The following ABHD6 variants were observed in gnomAD, a reference collection of about 807,000 sequenced individuals.
The protein encoded by ABHD6 is abhydrolase domain containing 6, acylglycerol lipase.
A neutral mutation model predicts 38.8 loss-of-function variants in ABHD6; 33 were observed. The observed-to-expected ratio is 0.85, with a 90% CI of 0.64 to 1.14. The LOEUF is 1.14. Ranked by LOEUF, ABHD6 falls within the 50% of genes most tolerant of loss-of-function variation. ABHD6 has a pLI of 0.00. For synonymous variants in ABHD6, 147 were observed against 161.6 expected, an observed-to-expected ratio of 0.91 and a Z score of 0.69; for missense variants, 380 against 422.6, an observed-to-expected ratio of 0.90 and a Z score of 0.88.
In ABHD6 at chr3:58,293,560, A is replaced by G. The variant is rs1411981747; in HGVS notation, c.838-29A>G. 2.5e-6 allele frequency: 4 copies of G among 1,610,258 alleles called. 1 individual carries two copies. In the South Asian group the frequency reaches 3.3e-5, roughly 13 times the overall value. On this transcript the variant is annotated intron_variant, in intron 9 of 9. Coordinates refer to ENST00000478253, the MANE Select transcript of ABHD6 (RefSeq NM_001320126.2). This position sits in a 1 kb window ranked among gnomAD's most constrained non-coding sequence, Gnocchi z 4.4. ...CACGTGGGTGTCTGAATCTTTGTGT[A>G]TCATCCAGCTCCCTTTCTTGCCCAG... is the stretch of plus-strand genomic sequence containing the variant.
At chr3:58,250,427 G>A (rs1280291923) in intron 2 of ABHD6, among the ~76,000 whole-genome samples, 1 of 152,162 alleles carries the variant, frequency 6.6e-6, no homozygotes, top group Non-Finnish European at 1.5e-5. Context: ...GGGACTACAT[G>A]GGGCGGTCAG....
chr3:58,270,187 T>C (rs1316345263), intron 5 of ABHD6, among the ~76,000 whole-genome samples: 1 of 152,098 alleles, frequency 6.6e-6, no homozygotes, highest in Non-Finnish European at 1.5e-5. Context: ...GATGGTTGAA[T>C]AGACAAATGG....
rs897313316 is a variant in ABHD6 at position 58,259,967 on chromosome 3, C to T, written c.119+3262C>T. 6.6e-6 allele frequency among the ~76,000 whole-genome samples: 1 copy of T among 152,196 alleles called. No homozygotes were observed. Among genetic ancestry groups the T allele is most frequent in the African/African-American group, 2.4e-5 (1 of 41,440 alleles). On this transcript the variant is annotated intron_variant, in intron 3 of 9. Coordinates refer to ENST00000478253, the MANE Select transcript of ABHD6 (RefSeq NM_001320126.2). The surrounding 1 kb of genome is among the most constrained non-coding windows in gnomAD (Gnocchi z 4.7). The stretch of plus-strand genomic sequence containing the variant: ...TGTGACCTTTGTGTCTGGTTTCTCT[C>T]ACTTAGCATAATGTTTTCAAGGTTC...
chr3:58,290,739 C>G (rs948742712), intron 9 of ABHD6, among the ~76,000 whole-genome samples: 1 of 150,412 alleles, frequency 6.6e-6, no homozygotes, highest in East Asian at 2.0e-4. Flanking sequence ...ACATCCCAGA[C>G]GGGCCGGCGG....
intron 1 of ABHD6, among the ~76,000 whole-genome samples, chr3:58,241,954 C>T (rs1362521233): frequency 1.3e-5 from 2 of 152,198 alleles, no homozygotes; most frequent in Non-Finnish European, 2.9e-5. Context: ...AGCAGAGTCA[C>T]AGTGGTCAAT....
intron 1 of ABHD6, among the ~76,000 whole-genome samples, chr3:58,246,860 C>T (rs575404822): frequency 6.6e-6 from 1 of 152,180 alleles, no homozygotes; most frequent in Non-Finnish European, 1.5e-5. Flanking sequence ...GCAGGCATAA[C>T]CTTTGGACAG....
intron 7 of ABHD6, among the ~76,000 whole-genome samples, chr3:58,281,023 G>C (rs2107467844): frequency 6.6e-6 from 1 of 152,304 alleles, no homozygotes; most frequent in South Asian, 2.1e-4. Flanking sequence ...CCTACTGGGA[G>C]GTGTCTCCCA....
At chr3:58,246,187 G>A (rs2097426270) in intron 1 of ABHD6, among the ~76,000 whole-genome samples, 1 of 152,160 alleles carries the variant, frequency 6.6e-6, no homozygotes, top group Non-Finnish European at 1.5e-5. Flanking sequence ...AGTGGCTTTT[G>A]GCTCCTGTTT....
At chr3:58,292,689 G>A (rs560914730) in intron 9 of ABHD6, among the ~76,000 whole-genome samples, 5 of 152,108 alleles carry the variant, frequency 3.3e-5, no homozygotes, top group Non-Finnish European at 7.4e-5. Flanking sequence ...GGCTGAGGCA[G>A]GTGGATCACC....
intron 7 of ABHD6, among the ~76,000 whole-genome samples, chr3:58,278,033 C>A (rs541920973): frequency 1.3e-5 from 2 of 152,260 alleles, no homozygotes; most frequent in African/African-American, 4.8e-5. Flanking sequence ...ATTTTCACAT[C>A]GATGTTCATC....
chr3:58,253,274 A>G (rs9848825), intron 2 of ABHD6, among the ~76,000 whole-genome samples: 20,795 of 151,986 alleles, frequency 0.14, 2,067 homozygotes, highest in African/African-American at 0.27. Context: ...TCCTAGTCCA[A>G]AGGACTCCCT....
chr3:58,242,257 C>T (rs767422014), intron 1 of ABHD6, among the ~76,000 whole-genome samples: 1 of 152,104 alleles, frequency 6.6e-6, no homozygotes, highest in Non-Finnish European at 1.5e-5. Flanking sequence ...AGCACCAAAT[C>T]CTAAGTGGCC....
In ABHD6 at chr3:58,285,564, C is replaced by G; in HGVS notation, c.837+111C>G. 1 of 947,586 alleles carries G rather than the reference C, an allele frequency of 1.1e-6. No homozygotes were observed. The highest frequency in any genetic ancestry group is 1.7e-6 in the Non-Finnish European group (1 of 600,114). 58.7% of individuals were successfully genotyped at this position (947,586 alleles called of 1,614,324 possible). A position where few individuals can be genotyped will look rare whatever the true frequency, so the allele number is the denominator to read the frequency against. On this transcript the variant is annotated intron_variant, in intron 9 of 9. Transcript: ENST00000478253. The surrounding 1 kb of genome is among the most constrained non-coding windows in gnomAD (Gnocchi z 4.9). Reference sequence around the variant, plus strand: ...TATGGAGTGAGCTGATCGCTGCTGTCAGGAAGAGGGGGAAGGCACCTGTGT... The same window carrying G: ...TATGGAGTGAGCTGATCGCTGCTGTGAGGAAGAGGGGGAAGGCACCTGTGT...
chr3:58,275,947 C>T (rs1226026111), intron 7 of ABHD6, among the ~76,000 whole-genome samples: 2 of 152,124 alleles, frequency 1.3e-5, no homozygotes, highest in Non-Finnish European at 2.9e-5. Context: ...GACATGAACT[C>T]ATCCTTTTTA....
At chr3:58,291,959 A>G (rs2097463370) in intron 9 of ABHD6, among the ~76,000 whole-genome samples, 1 of 150,676 alleles carries the variant, frequency 6.6e-6, no homozygotes, top group Non-Finnish European at 1.5e-5. Flanking sequence ...CAAAAAAACA[A>G]AAAAAGACAC....
In ABHD6 at chr3:58,260,739, G is replaced by A. The variant is rs114352944; in HGVS notation, c.119+4034G>A. ...GCTACACAAACAGGATCAGCAGGCA[G>A]TAGAGGTAGCTTGGCACCCAGTCCC... On this transcript the variant is annotated intron_variant, in intron 3 of 9. Transcript: ENST00000478253. 8.0e-3 allele frequency among the ~76,000 whole-genome samples: 1,224 copies of A among 152,328 alleles called. 12 individuals are homozygous for A. Among genetic ancestry groups the A allele is most frequent in the African/African-American group, 0.028 (1,163 of 41,576 alleles).
chr3:58,246,120 C>T (rs1489209898), intron 1 of ABHD6, among the ~76,000 whole-genome samples: 1 of 152,168 alleles, frequency 6.6e-6, no homozygotes, highest in Non-Finnish European at 1.5e-5. Flanking sequence ...AAATCAAAGC[C>T]TGTTGTGGGC....
intron 3 of ABHD6, among the ~76,000 whole-genome samples, chr3:58,264,954 T>C (rs187898104): frequency 6.6e-6 from 1 of 152,314 alleles, no homozygotes; most frequent in Non-Finnish European, 1.5e-5. Flanking sequence ...TATTATTGAC[T>C]ATAGTCACCG....
At chr3:58,284,983 A>C in intron 7 of ABHD6, 102 bp from the exon 8 acceptor site, 1 of 1,093,728 alleles carries the variant, frequency 9.1e-7, no homozygotes, top group Non-Finnish European at 1.4e-6. Flanking sequence ...TGACAGTGCA[A>C]TAAATTGCTG....
Sources: allele counts gnomAD v4.1 joint callset (sites outside exome capture counted in the v4.1 genomes callset), GRCh38; gene constraint gnomAD v4.1.1; non-coding constraint Gnocchi (gnomAD v3.1); transcripts MANE v1.5; gene names NCBI Gene and HGNC (gene_info 2026-07-23, HGNC 2026-07-21).